Variants in TRPM3 observed in about 807,000 individuals in gnomAD.
TRPM3 encodes the protein transient receptor potential cation channel subfamily M member 3, also known as long transient receptor potential channel 3.
In TRPM3, 77 loss-of-function variants were observed where a neutral mutation model predicts 181.2. The observed-to-expected ratio is 0.42, with a 90% CI of 0.35 to 0.51. The LOEUF is 0.51. Among genes scored for constraint, TRPM3 ranks in the 20% least tolerant of loss-of-function variants. The probability of loss-of-function intolerance (pLI) is 0.01; values close to 1 mark genes in which losing one functional copy is unlikely to be tolerated. For synonymous variants in TRPM3, 745 were observed against 796.4 expected (o/e 0.94, Z 1.09); for missense variants, 1,759 against 2,196.7 (o/e 0.80, Z 3.98).
chr9:71,014,144 A>C (rs1022817901), intron 1 of TRPM3, among the ~76,000 whole-genome samples: 1 of 152,002 alleles, frequency 6.6e-6, no homozygotes, highest in Non-Finnish European at 1.5e-5. Flanking sequence ...TTTTGTAAAA[A>C]TCCTGAAATT....
At chr9:71,213,863 A>G (rs370667939) in intron 1 of TRPM3, among the ~76,000 whole-genome samples, 5 of 152,228 alleles carry the variant, frequency 3.3e-5, no homozygotes, top group Admixed American at 2.6e-4. Context: ...AATAACCTAC[A>G]TATTTTTTCC....
At chr9:70,746,071 C>G (rs1359840982) in intron 8 of TRPM3, among the ~76,000 whole-genome samples, 1 of 152,164 alleles carries the variant, frequency 6.6e-6, no homozygotes, top group Non-Finnish European at 1.5e-5. Context: ...ACTTAGCTCT[C>G]CCAGCAACAG....
chr9:71,044,765 G>A (rs111957728), intron 1 of TRPM3, among the ~76,000 whole-genome samples: 2 of 151,936 alleles, frequency 1.3e-5, no homozygotes, highest in Non-Finnish European at 2.9e-5. Flanking sequence ...TCCGCCTCCC[G>A]GGTTCACGCC....
intron 6 of TRPM3, among the ~76,000 whole-genome samples, chr9:70,788,353 G>T (rs1049974609): frequency 6.6e-6 from 1 of 151,912 alleles, no homozygotes; most frequent in Non-Finnish European, 1.5e-5. Flanking sequence ...TCTGCAAAGG[G>T]CATCTGTTTG....
intron 1 of TRPM3, among the ~76,000 whole-genome samples, chr9:71,327,359 T>C (rs2089769238): frequency 6.6e-6 from 1 of 152,206 alleles, no homozygotes; most frequent in African/African-American, 2.4e-5. Flanking sequence ...CCACCTGTCA[T>C]GCTGGAACAG....
intron 6 of TRPM3, among the ~76,000 whole-genome samples, chr9:70,796,283 C>T (rs2087007009): frequency 6.6e-6 from 1 of 152,132 alleles, no homozygotes; most frequent in Non-Finnish European, 1.5e-5. Context: ...AAAGACCTGG[C>T]CCATGTTTCA....
intron 11 of TRPM3, among the ~76,000 whole-genome samples, 196 bp downstream of exon 11, chr9:70,638,864 C>T (rs1236383524): frequency 6.6e-6 from 1 of 152,068 alleles, no homozygotes; most frequent in Non-Finnish European, 1.5e-5. Context: ...TACATGCTGA[C>T]AACTGAGCAA....
chr9:70,575,482 G>T (rs9695493), intron 22 of TRPM3, among the ~76,000 whole-genome samples: 13,371 of 152,112 alleles, frequency 0.088, 858 homozygotes, highest in African/African-American at 0.18. Flanking sequence ...TTTGGCACAT[G>T]ACACATCACC....
At chr9:71,048,008 T>C (rs942058465) in intron 1 of TRPM3, among the ~76,000 whole-genome samples, 7 of 152,196 alleles carry the variant, frequency 4.6e-5, no homozygotes, top group African/African-American at 1.7e-4. Flanking sequence ...TGTAGGAATG[T>C]ATGATTTTAT....
chr9:70,586,233 A>G (rs142952955), intron 22 of TRPM3, among the ~76,000 whole-genome samples: 2,955 of 152,334 alleles, frequency 0.019, 41 homozygotes, highest in Middle Eastern at 0.027. Flanking sequence ...CCTCCGTCAC[A>G]TGTATCTCTG....
At chr9:71,046,838 G>A (rs531282591) in intron 1 of TRPM3, among the ~76,000 whole-genome samples, 87 of 152,318 alleles carry the variant, frequency 5.7e-4, no homozygotes, top group Non-Finnish European at 1.1e-3. Flanking sequence ...CTGATCAGGA[G>A]GAAATGGAGT....
chr9:71,373,119 A>T (rs2092569492), intron 1 of TRPM3, among the ~76,000 whole-genome samples: 1 of 152,188 alleles, frequency 6.6e-6, no homozygotes, highest in African/African-American at 2.4e-5. Flanking sequence ...GATGTGGCTA[A>T]AGCAGTGTTA....
At chr9:71,077,236 G>A (rs760186141) in intron 1 of TRPM3, among the ~76,000 whole-genome samples, 4 of 152,064 alleles carry the variant, frequency 2.6e-5, no homozygotes, top group Non-Finnish European at 4.4e-5. Context: ...TCTACGTTTC[G>A]AAGTTTCCAA....
intron 1 of TRPM3, among the ~76,000 whole-genome samples, chr9:71,328,379 G>A (rs1461563654): frequency 6.6e-6 from 1 of 152,106 alleles, no homozygotes. Context: ...TGTTAGCCAG[G>A]ATGGTCTCAA....
intron 1 of TRPM3, among the ~76,000 whole-genome samples, chr9:71,142,162 A>C (rs1167332295): frequency 6.6e-6 from 1 of 152,162 alleles, no homozygotes; most frequent in Non-Finnish European, 1.5e-5. Context: ...CTTGTTTGTA[A>C]CACTAGACTA....
chr9:71,298,203 T>C (rs1182420361), intron 1 of TRPM3, among the ~76,000 whole-genome samples: 1 of 152,220 alleles, frequency 6.6e-6, no homozygotes, highest in African/African-American at 2.4e-5. Context: ...CAGAGCAGAA[T>C]ATAAGATATA....
At chr9:71,295,251 G>A (rs1004962685) in intron 1 of TRPM3, among the ~76,000 whole-genome samples, 2 of 151,932 alleles carry the variant, frequency 1.3e-5, no homozygotes, top group African/African-American at 4.8e-5. Flanking sequence ...TCATTCAAGG[G>A]AGATGATAAT....
chr9:70,673,196 G>C (rs1745868690), intron 9 of TRPM3, among the ~76,000 whole-genome samples: 1 of 152,044 alleles, frequency 6.6e-6, no homozygotes, highest in Admixed American at 6.5e-5. Flanking sequence ...TGGCTTCCAG[G>C]TGGTTTTGGG....
At chr9:71,332,644 C>G (rs537936209) in intron 1 of TRPM3, among the ~76,000 whole-genome samples, 2 of 151,594 alleles carry the variant, frequency 1.3e-5, no homozygotes, top group African/African-American at 4.8e-5. Context: ...CAATTTATTC[C>G]TATATTTCAT....
Sources: gnomAD v4.1 joint callset for allele counts (sites outside exome capture counted in the v4.1 genomes callset) on GRCh38, gnomAD v4.1.1 for gene constraint, MANE v1.5 for transcripts, NCBI Gene and HGNC (gene_info 2026-07-23, HGNC 2026-07-21) for gene names.